The following NAA15 variants were observed in gnomAD, a reference collection of about 807,000 sequenced individuals.
The protein encoded by NAA15 is N-terminal acetyltransferase.
NAA15 carries 34 observed loss-of-function variants against 114.0 expected under a neutral mutation model. The observed-to-expected ratio is 0.30, with a 90% CI of 0.23 to 0.40. The LOEUF is 0.40. Ranked by LOEUF, NAA15 falls within the 10% of genes least tolerant of loss-of-function variation. The pLI, the probability that NAA15 is intolerant of heterozygous loss-of-function variation, is 1.00. For synonymous variants in NAA15, 340 were observed against 338.0 expected, an observed-to-expected ratio of 1.01 and a Z score of -0.06; for missense variants, 658 against 1,004.5, an observed-to-expected ratio of 0.66 and a Z score of 4.66.
chr4:139,384,965 A>C lies in NAA15; in HGVS notation c.2289A>C (p.Pro763=), dbSNP rs761433712. The change falls in exon 18 of 20, where the codon CCA becomes CCC. Residue 763 remains proline, a synonymous_variant. Transcript: ENST00000296543. ...TGAAAAGGAATTCTGATTCATTGCC[A>C]CACAGATTATCAGGTAATCACTTTA... ...TFLKRNSDSL[P]HRLSAAKMVY... 52 of 1,554,878 alleles carry C rather than the reference A, an allele frequency of 3.3e-5. No homozygotes were observed. Among genetic ancestry groups the C allele is most frequent in the Middle Eastern group, 1.7e-4 (1 of 5,858 alleles).
intron 1 of NAA15, among the ~76,000 whole-genome samples, chr4:139,303,830 G>A (rs1745902124): frequency 6.6e-6 from 1 of 152,182 alleles, no homozygotes; most frequent in Non-Finnish European, 1.5e-5. Context: ...CTAAGAATAA[G>A]GACATCGTCT....
At chr4:139,315,001 T>TTAGGTTAGGTTAGG (rs1181192026) in intron 1 of NAA15, among the ~76,000 whole-genome samples, 1 of 74,352 alleles carries the variant, frequency 1.3e-5, no homozygotes, top group Non-Finnish European at 2.5e-5. Context: ...TTCAGTTCAG[T>TTAGGTTAGGTTAGG]TTAGTTTAGG....
Position 139,360,602 on chromosome 4 carries a change from C to T in NAA15, c.1513C>T (p.Leu505Phe). Residue 505 changes from leucine to phenylalanine, a missense_variant, in exon 13 of 20, where the codon CTT (leucine) becomes TTT (phenylalanine). This residue lies in a region of NAA15 where 281 missense variants were observed against 389.1 expected (regional missense o/e 0.72). Transcript: ENST00000296543. ...AGCAATGAATAAATTTGGTGAAGCACTTAAGAAATGTCATGAGATTGAGAG... is the reference window on the plus strand; with the variant it reads ...AGCAATGAATAAATTTGGTGAAGCATTTAAGAAATGTCATGAGATTGAGAG... ...YKAMNKFGEA[L>F]KKCHEIERHF... The T allele has an allele frequency of 6.2e-7, 1 of 1,608,032 alleles. No homozygotes were observed. The highest frequency in any genetic ancestry group is 8.5e-7 in the Non-Finnish European group (1 of 1,177,142).
At chr4:139,304,842 C>T (rs1391460119) in intron 1 of NAA15, among the ~76,000 whole-genome samples, 1 of 152,090 alleles carries the variant, frequency 6.6e-6, no homozygotes, top group African/African-American at 2.4e-5. Context: ...TCTCTCCCAC[C>T]GCCCTCCCAT....
intron 15 of NAA15, among the ~76,000 whole-genome samples, chr4:139,374,163 A>T (rs970422674): frequency 6.6e-6 from 1 of 152,152 alleles, no homozygotes; most frequent in Non-Finnish European, 1.5e-5. Flanking sequence ...AACATATCTT[A>T]ATATGAGGAT....
chr4:139,329,190 G>A (rs1746913045), intron 1 of NAA15, among the ~76,000 whole-genome samples: 1 of 152,030 alleles, frequency 6.6e-6, no homozygotes, highest in Non-Finnish European at 1.5e-5. Context: ...CCTTAATACT[G>A]TATTTTCATC....
chr4:139,384,457 G>A (rs1748835998), intron 17 of NAA15, among the ~76,000 whole-genome samples: 1 of 152,128 alleles, frequency 6.6e-6, no homozygotes, highest in Non-Finnish European at 1.5e-5. Flanking sequence ...CAGCTTGGGT[G>A]GCAGTAAAAC....
At chr4:139,349,430 T>A in intron 6 of NAA15, 32 bp from the exon 7 acceptor site, 1 of 1,499,476 alleles carries the variant, frequency 6.7e-7, no homozygotes, top group Non-Finnish European at 8.9e-7. Flanking sequence ...TTCTCAGATA[T>A]TAAAATTTTT....
At chr4:139,326,164 G>A (rs73856017) in intron 1 of NAA15, among the ~76,000 whole-genome samples, 2,259 of 152,144 alleles carry the variant, frequency 0.015, 51 homozygotes, top group African/African-American at 0.05. Flanking sequence ...AAATGTTTTA[G>A]GCACTAGGTT....
chr4:139,318,683 G>A (rs1199947308), intron 1 of NAA15, among the ~76,000 whole-genome samples: 3 of 151,848 alleles, frequency 2.0e-5, no homozygotes, highest in African/African-American at 7.3e-5. Flanking sequence ...GCGAAACTCC[G>A]TCTCTACGAA....
intron 17 of NAA15, among the ~76,000 whole-genome samples, chr4:139,383,830 C>T (rs999444921): frequency 1.2e-4 from 18 of 152,264 alleles, no homozygotes; most frequent in African/African-American, 4.1e-4. Context: ...AGTGATAGCT[C>T]AATTTACATA....
At position 139,386,199 on chromosome 4, in the gene NAA15, T is replaced by A. The variant is rs1181161422; in HGVS notation, c.2369T>A (p.Leu790His). 1.9e-6 allele frequency: 3 copies of A among 1,609,254 alleles called. No homozygotes were observed. Among genetic ancestry groups the A allele is most frequent in the Non-Finnish European group, 2.5e-6 (3 of 1,176,918 alleles). The change falls in exon 19 of 20, where the codon CTT (leucine) becomes CAT (histidine). Residue 790 changes from leucine to histidine, a missense_variant. Leu to His is a moderately conservative substitution (Grantham distance 99). Transcript: ENST00000296543. ...CGAGCTATAGAGTTGGCAACAACAC[T>A]TGATGAATCTCTCACTAACAGAAAC... is the stretch of plus-strand genomic sequence containing the variant. ...QKRAIELATT[L>H]DESLTNRNLQ... is the part of the protein sequence containing the mutation.
intron 6 of NAA15, 26 bp downstream of exon 6, chr4:139,344,365 T>C (rs372851972): frequency 1.9e-6 from 3 of 1,578,666 alleles, no homozygotes; most frequent in African/African-American, 2.7e-5. Flanking sequence ...TTGTCATTTA[T>C]TCTAATATTG....
rs1560981402 is a variant in NAA15 at position 139,378,746 on chromosome 4, C to G, written c.2057-10C>G. On this transcript the variant is annotated splice_polypyrimidine_tract_variant and intron_variant, in intron 16 of 19. Transcript: ENST00000296543. The stretch of plus-strand genomic sequence containing the variant: ...ATGATCAAAATATATCTTACTTTCT[C>G]TTTTTATAGAAAAGTTTCTTTTGAT... The G allele has an allele frequency of 5.2e-6, 8 of 1,524,246 alleles. No individual in the cohort carries two copies. The highest frequency in any genetic ancestry group is 7.1e-6 in the Non-Finnish European group (8 of 1,131,970). The allele number at this position is 1,524,246 out of a possible 1,614,324, so 94.4% of individuals were successfully genotyped here.
chr4:139,362,312 G>T (rs912262591), intron 14 of NAA15, among the ~76,000 whole-genome samples: 1 of 152,052 alleles, frequency 6.6e-6, no homozygotes, highest in Non-Finnish European at 1.5e-5. Flanking sequence ...ATGGAGTCTC[G>T]CTCTGTTTCC....
At chr4:139,342,505 C>T (rs1340367637) in intron 4 of NAA15, among the ~76,000 whole-genome samples, 28 of 130,802 alleles carry the variant, frequency 2.1e-4, no homozygotes, top group Non-Finnish European at 3.4e-4. Context: ...TTTGAGACGG[C>T]GTCTTGCTCT....
chr4:139,314,885 C>T (rs781306379), intron 1 of NAA15, among the ~76,000 whole-genome samples: 1 of 151,762 alleles, frequency 6.6e-6, no homozygotes. Flanking sequence ...ACCATGTTGG[C>T]CACGATGGTC....
chr4:139,314,934 C>T (rs1284025674), intron 1 of NAA15, among the ~76,000 whole-genome samples: 5 of 151,388 alleles, frequency 3.3e-5, no homozygotes, highest in African/African-American at 1.2e-4. Context: ...CCTCGGCCTC[C>T]CAAAGTGCTG....
chr4:139,317,162 G>A (rs1318593259), intron 1 of NAA15, among the ~76,000 whole-genome samples: 1 of 151,836 alleles, frequency 6.6e-6, no homozygotes, highest in African/African-American at 2.4e-5. Flanking sequence ...CTTCTGGACA[G>A]TTCCCATTGA....
Sources: gnomAD v4.1 joint callset for allele counts (sites outside exome capture counted in the v4.1 genomes callset) on GRCh38, gnomAD v4.1.1 for gene constraint, gnomAD v4.1.1 regional missense constraint, MANE v1.5 for transcripts, NCBI Gene and HGNC (gene_info 2026-07-23, HGNC 2026-07-21) for gene names.